Variants in CTNNA2 observed in about 807,000 individuals in gnomAD.
The protein encoded by CTNNA2 is catenin alpha 2.
Under a neutral mutation model 101.0 loss-of-function variants are expected in CTNNA2, and 42 were observed. The ratio of observed to expected loss-of-function variants is 0.42; its 90% CI spans 0.32 to 0.54. The LOEUF is 0.54. Among genes scored for constraint, CTNNA2 ranks in the 20% least tolerant of loss-of-function variants. The pLI is 0.14. For synonymous variants in CTNNA2, 450 were observed against 456.4 expected, an observed-to-expected ratio of 0.99 and a Z score of 0.18; for missense variants, 871 against 1,223.1, an observed-to-expected ratio of 0.71 and a Z score of 4.29.
At chr2:80,236,132 G>A (rs1709539180) in intron 7 of CTNNA2, among the ~76,000 whole-genome samples, 1 of 152,160 alleles carries the variant, frequency 6.6e-6, no homozygotes, top group African/African-American at 2.4e-5. Context: ...TCTCTCAAAA[G>A]ACATGATCTT....
chr2:80,535,032 C>A (rs4341963), intron 9 of CTNNA2, among the ~76,000 whole-genome samples: 79,635 of 152,018 alleles, frequency 0.52, 22,238 homozygotes, highest in African/African-American at 0.73. Context: ...TATTTGGGAT[C>A]TAACGGGTTG....
chr2:79,418,499 T>C (rs1037866393), intron 4 of CTNNA2, among the ~76,000 whole-genome samples: 2 of 152,178 alleles, frequency 1.3e-5, no homozygotes, highest in Non-Finnish European at 2.9e-5. Context: ...TATAATTTTC[T>C]CACTGTTATA....
chr2:79,585,134 A>C (rs910640962), intron 1 of CTNNA2, among the ~76,000 whole-genome samples: 1 of 152,054 alleles, frequency 6.6e-6, no homozygotes, highest in African/African-American at 2.4e-5. Flanking sequence ...TTAAATATAC[A>C]TTTGAAAATG....
At chr2:79,440,884 G>A (rs1471829730) in intron 4 of CTNNA2, among the ~76,000 whole-genome samples, 1 of 152,132 alleles carries the variant, frequency 6.6e-6, no homozygotes. Context: ...TGGCTTGTCT[G>A]CCTCTCCTAT....
chr2:79,422,177 A>G (rs1158407556), intron 4 of CTNNA2, among the ~76,000 whole-genome samples: 1 of 152,088 alleles, frequency 6.6e-6, no homozygotes, highest in African/African-American at 2.4e-5. Context: ...AGTGAAGCTT[A>G]TGCTTTCCTG....
chr2:80,337,500 T>G (rs1281930652), intron 7 of CTNNA2, among the ~76,000 whole-genome samples: 1 of 127,100 alleles, frequency 7.9e-6, no homozygotes, highest in Non-Finnish European at 1.6e-5. Flanking sequence ...CTATGGAAAC[T>G]AATCAGAAAA....
intron 7 of CTNNA2, among the ~76,000 whole-genome samples, chr2:80,083,475 A>T (rs1699266459): frequency 6.6e-6 from 1 of 152,148 alleles, no homozygotes; most frequent in Non-Finnish European, 1.5e-5. Context: ...TGCAGGGGTT[A>T]GGACCATGCA....
chr2:79,563,951 C>G (rs1424808640), intron 1 of CTNNA2, among the ~76,000 whole-genome samples: 1 of 152,116 alleles, frequency 6.6e-6, no homozygotes. Context: ...CTTTTCCATC[C>G]TCATAATGGA....
At chr2:80,620,370 T>C (rs1390262246) in intron 18 of CTNNA2, among the ~76,000 whole-genome samples, 1 of 151,878 alleles carries the variant, frequency 6.6e-6, no homozygotes, top group Non-Finnish European at 1.5e-5. Context: ...GGCTTCTTTG[T>C]TATGCATAAA....
At chr2:79,622,757 C>CAGCCTTCTG (rs1679075356) in intron 1 of CTNNA2, among the ~76,000 whole-genome samples, 1 of 152,120 alleles carries the variant, frequency 6.6e-6, no homozygotes. Flanking sequence ...TCTTCTTTCC[C>CAGCCTTCTG]AGCCTTCTGG....
chr2:79,864,083 C>G (rs1357461149), intron 4 of CTNNA2, among the ~76,000 whole-genome samples: 2 of 152,120 alleles, frequency 1.3e-5, no homozygotes, highest in African/African-American at 4.8e-5. Context: ...TAACATCAGG[C>G]CAACTGGGAA....
chr2:80,385,383 A>G (rs1676905513), intron 7 of CTNNA2, among the ~76,000 whole-genome samples: 1 of 152,178 alleles, frequency 6.6e-6, no homozygotes, highest in Admixed American at 6.5e-5. Context: ...TGAACACACA[A>G]AAAGAAGACA....
chr2:80,312,526 G>T (rs1244394399), intron 7 of CTNNA2, among the ~76,000 whole-genome samples: 1 of 152,188 alleles, frequency 6.6e-6, no homozygotes, highest in Non-Finnish European at 1.5e-5. Flanking sequence ...TGGGAAAGTT[G>T]TTTACTGAAA....
At chr2:80,377,163 C>G (rs925742950) in intron 7 of CTNNA2, among the ~76,000 whole-genome samples, 3 of 152,182 alleles carry the variant, frequency 2.0e-5, no homozygotes, top group Non-Finnish European at 2.9e-5. Flanking sequence ...AAATATTACT[C>G]AGATGCTCAA....
intron 18 of CTNNA2, among the ~76,000 whole-genome samples, chr2:80,624,242 G>GA (rs11431024): frequency 0.36 from 55,168 of 151,410 alleles, 10,758 homozygotes; most frequent in East Asian, 0.45. Context: ...AACTTCCTTG[G>GA]AAAAAAAACG....
chr2:80,018,320 T>G (rs181609000), intron 7 of CTNNA2, among the ~76,000 whole-genome samples: 1 of 152,174 alleles, frequency 6.6e-6, no homozygotes, highest in South Asian at 2.1e-4. Context: ...TGTTACTTTG[T>G]TTTTGTTGTT....
chr2:79,342,938 G>T (rs1422817787), intron 3 of CTNNA2, among the ~76,000 whole-genome samples: 1 of 152,128 alleles, frequency 6.6e-6, no homozygotes, highest in Non-Finnish European at 1.5e-5. Context: ...TAAGCGACCT[G>T]CAGGGCCTTC....
At chr2:80,013,315 T>C (rs944828817) in intron 7 of CTNNA2, among the ~76,000 whole-genome samples, 1 of 152,182 alleles carries the variant, frequency 6.6e-6, no homozygotes. Context: ...TCAAAAGAAC[T>C]AACCATTACA....
chr2:80,201,997 A>T (rs1707241020), intron 7 of CTNNA2, among the ~76,000 whole-genome samples: 1 of 152,272 alleles, frequency 6.6e-6, no homozygotes, highest in East Asian at 1.9e-4. Context: ...CAAGGAAAAC[A>T]TTCTTATCCC....
Sources: gnomAD v4.1 joint callset for allele counts (sites outside exome capture counted in the v4.1 genomes callset) on GRCh38, gnomAD v4.1.1 for gene constraint, MANE v1.5 for transcripts, NCBI Gene and HGNC (gene_info 2026-07-23, HGNC 2026-07-21) for gene names.